Variants in GCH1 observed in about 807,000 individuals in gnomAD.
GCH1 encodes GTP cyclohydrolase 1, also known as GTP cyclohydrolase I.
In GCH1, 5 loss-of-function variants were observed where a neutral mutation model predicts 25.9. The observed-to-expected ratio is 0.19, with a 90% CI of 0.10 to 0.41. The LOEUF (loss-of-function observed/expected upper bound fraction) is 0.41. Among genes scored for constraint, GCH1 ranks in the 10% least tolerant of loss-of-function variants. The probability of loss-of-function intolerance (pLI) is 1.00; values close to 1 mark genes in which losing one functional copy is unlikely to be tolerated. For missense variants in GCH1, 261 were observed against 336.5 expected (o/e 0.78, Z 1.75); for synonymous variants, 159 against 129.6 (o/e 1.23, Z -1.54).
chr14:54,852,544 G>T (rs1158545536), intron 3 of GCH1, among the ~76,000 whole-genome samples: 1 of 152,190 alleles, frequency 6.6e-6, no homozygotes, highest in Non-Finnish European at 1.5e-5. Context: ...GATGTGGGAG[G>T]AAACAGAAGC....
intron 1 of GCH1, among the ~76,000 whole-genome samples, chr14:54,870,976 T>TG (rs1345012871): frequency 2.2e-4 from 34 of 152,326 alleles, no homozygotes; most frequent in African/African-American, 7.2e-4. Context: ...TAAAAGTCCC[T>TG]GTCTGACAGC....
intron 1 of GCH1, among the ~76,000 whole-genome samples, chr14:54,887,744 T>G (rs566387166): frequency 6.6e-6 from 1 of 152,286 alleles, no homozygotes; most frequent in South Asian, 2.1e-4. Context: ...AATACATGTC[T>G]CTGATTTACT....
chr14:54,885,045 G>A, intron 1 of GCH1: 1 of 305,054 alleles, frequency 3.3e-6, no homozygotes, highest in Non-Finnish European at 6.4e-6. Context: ...TTCCGGTGTG[G>A]CCCATTGCAG....
intron 1 of GCH1, among the ~76,000 whole-genome samples, chr14:54,882,028 T>C (rs2040280002): frequency 3.3e-5 from 5 of 152,302 alleles, no homozygotes; most frequent in Admixed American, 3.3e-4. Flanking sequence ...TGCTCCTCAT[T>C]ACAACAGTAA....
At chr14:54,892,797 G>A (rs985814979) in intron 1 of GCH1, among the ~76,000 whole-genome samples, 1 of 152,024 alleles carries the variant, frequency 6.6e-6, no homozygotes, top group Non-Finnish European at 1.5e-5. Context: ...GTATGTTTCC[G>A]GCCGGGTGCG....
chr14:54,902,469 C>T lies in GCH1; in HGVS notation c.195G>A (p.Glu65=), dbSNP rs139350456. The T allele has an allele frequency of 1.8e-5, 29 of 1,612,206 alleles. No homozygotes were observed. Among genetic ancestry groups the T allele is most frequent in the Non-Finnish European group, 2.4e-5 (28 of 1,179,638 alleles). The change falls in exon 1 of 6, where the codon GAG becomes GAA. Residue 65 remains glutamate, a synonymous_variant. Coordinates refer to ENST00000491895, the MANE Select transcript of GCH1 (RefSeq NM_000161.3). ...CGGCTGCCAGGTTAGGGAGGTTCAG[C>T]TCGTTATCCTCCTCGCTGCGGGGCC... The part of the protein sequence containing the change: ...GERPRSEEDN[E]LNLPNLAAAY...
chr14:54,891,508 C>G (rs558173798), intron 1 of GCH1, among the ~76,000 whole-genome samples: 19 of 150,430 alleles, frequency 1.3e-4, no homozygotes, highest in African/African-American at 4.4e-4. Context: ...CTCCCGGGTT[C>G]AAGTGATTCT....
At chr14:54,902,280 C>T (rs2040578189) in intron 1 of GCH1, 41 bp downstream of exon 1, 3 of 1,601,800 alleles carry the variant, frequency 1.9e-6, no homozygotes, top group Middle Eastern at 2.0e-4. Context: ...AAGCACCGCC[C>T]CCGCCGCCCG....
intron 1 of GCH1, among the ~76,000 whole-genome samples, chr14:54,875,556 A>G (rs2040146084): frequency 6.6e-6 from 1 of 152,154 alleles, no homozygotes; most frequent in South Asian, 2.1e-4. Context: ...ATGGGAGAAA[A>G]TTTTTGCAAT....
chr14:54,863,379 A>G (rs576222956), intron 2 of GCH1, among the ~76,000 whole-genome samples: 42 of 138,736 alleles, frequency 3.0e-4, no homozygotes, highest in African/African-American at 1.0e-3. Flanking sequence ...CCGAGATCAC[A>G]CCACTGCAAT....
intron 2 of GCH1, among the ~76,000 whole-genome samples, chr14:54,861,638 G>C (rs186508531): frequency 6.6e-6 from 1 of 151,850 alleles, no homozygotes; most frequent in Non-Finnish European, 1.5e-5. Flanking sequence ...CAGAAGAATT[G>C]CTTGAACCTG....
chr14:54,898,875 T>C (rs1419385155), intron 1 of GCH1, among the ~76,000 whole-genome samples: 1 of 152,170 alleles, frequency 6.6e-6, no homozygotes, highest in Non-Finnish European at 1.5e-5. Flanking sequence ...CCGCCCACCT[T>C]GGCCTCCCAA....
chr14:54,899,529 A>G (rs1324031939), intron 1 of GCH1, among the ~76,000 whole-genome samples: 1 of 152,128 alleles, frequency 6.6e-6, no homozygotes, highest in African/African-American at 2.4e-5. Context: ...TTTCTGAAAC[A>G]GGGTCTCCCC....
intron 4 of GCH1, among the ~76,000 whole-genome samples, chr14:54,846,338 C>T (rs753862606): frequency 1.2e-4 from 18 of 152,126 alleles, no homozygotes; most frequent in Non-Finnish European, 2.2e-4. Flanking sequence ...TTAATTCATA[C>T]AGGAATATTC....
intron 1 of GCH1, among the ~76,000 whole-genome samples, chr14:54,891,568 C>T (rs2040423988): frequency 1.3e-5 from 2 of 152,036 alleles, no homozygotes; most frequent in African/African-American, 2.4e-5. Flanking sequence ...TGCCACTATG[C>T]CTGCTTAATT....
At chr14:54,849,431 T>C (rs767645396) in intron 3 of GCH1, among the ~76,000 whole-genome samples, 54 of 152,244 alleles carry the variant, frequency 3.5e-4, no homozygotes, top group Non-Finnish European at 3.2e-4. Flanking sequence ...GACACTGATA[T>C]CTATCTTGCC....
chr14:54,852,495 G>T lies in GCH1; in HGVS notation c.510-5365C>A, dbSNP rs192650219. Reference sequence around the variant, plus strand: ...CTCTCACTCAGACTGGGACCACTCAGATCAGATACGCCAAATCACCTAACG... The same window carrying T: ...CTCTCACTCAGACTGGGACCACTCATATCAGATACGCCAAATCACCTAACG... On this transcript the variant is annotated intron_variant, in intron 3 of 5. Coordinates refer to ENST00000491895, the MANE Select transcript of GCH1 (RefSeq NM_000161.3). Among the ~76,000 whole-genome samples, 581 of 152,282 alleles carry T rather than the reference G, an allele frequency of 3.8e-3. 5 individuals are homozygous for T. Among genetic ancestry groups the T allele is most frequent in the African/African-American group, 0.013 (545 of 41,554 alleles).
intron 3 of GCH1, among the ~76,000 whole-genome samples, chr14:54,848,804 T>A (rs2039683029): frequency 6.6e-6 from 1 of 152,230 alleles, no homozygotes; most frequent in Admixed American, 6.5e-5. Context: ...ATAGCTATAT[T>A]CTATTGGTAT....
intron 1 of GCH1, among the ~76,000 whole-genome samples, chr14:54,880,429 TC>T (rs1388381817): frequency 1.7e-5 from 2 of 116,712 alleles, no homozygotes; most frequent in Non-Finnish European, 3.3e-5. Context: ...ATATATATAC[TC>T]CATATATATA....
Sources: gnomAD v4.1 joint callset for allele counts (sites outside exome capture counted in the v4.1 genomes callset) on GRCh38, gnomAD v4.1.1 for gene constraint, MANE v1.5 for transcripts, NCBI Gene and HGNC (gene_info 2026-07-23, HGNC 2026-07-21) for gene names.